Variants in DYNC1I1 observed in about 807,000 individuals in gnomAD.
DYNC1I1 encodes dynein cytoplasmic 1 intermediate chain 1.
A neutral mutation model predicts 86.6 loss-of-function variants in DYNC1I1; 43 were observed. That is an observed-to-expected ratio of 0.50 (90% CI 0.39 to 0.64). The LOEUF (loss-of-function observed/expected upper bound fraction) is 0.64. Among genes scored for constraint, DYNC1I1 ranks in the 30% least tolerant of loss-of-function variants. The probability of loss-of-function intolerance (pLI) is 0.00; values close to 1 mark genes in which losing one functional copy is unlikely to be tolerated. For synonymous variants in DYNC1I1, 262 were observed against 283.7 expected, an observed-to-expected ratio of 0.92 and a Z score of 0.77; for missense variants, 604 against 788.8, an observed-to-expected ratio of 0.77 and a Z score of 2.81.
chr7:95,917,907 G>T (rs77820449), intron 6 of DYNC1I1, among the ~76,000 whole-genome samples: 6 of 152,256 alleles, frequency 3.9e-5, no homozygotes, highest in African/African-American at 1.4e-4. Flanking sequence ...CTGCCCCTTG[G>T]CCTGGGGCTG....
At chr7:95,859,725 C>T (rs1014544864) in intron 5 of DYNC1I1, among the ~76,000 whole-genome samples, 4 of 152,226 alleles carry the variant, frequency 2.6e-5, no homozygotes, top group African/African-American at 9.6e-5. Context: ...AGACTGAGTC[C>T]ACCTAGCAGG....
intron 1 of DYNC1I1, among the ~76,000 whole-genome samples, chr7:95,782,890 C>T (rs897846998): frequency 6.6e-6 from 1 of 152,128 alleles, no homozygotes; most frequent in African/African-American, 2.4e-5. Context: ...CCTTCCCCAG[C>T]CGAACTCCTC....
At chr7:96,078,989 T>A (rs879683254) in intron 15 of DYNC1I1, among the ~76,000 whole-genome samples, 2 of 151,982 alleles carry the variant, frequency 1.3e-5, no homozygotes, top group Admixed American at 6.6e-5. Flanking sequence ...TGTGTATTTT[T>A]AAAAAATAAA....
intron 6 of DYNC1I1, among the ~76,000 whole-genome samples, chr7:95,917,796 G>A (rs182126105): frequency 6.6e-6 from 1 of 152,274 alleles, no homozygotes; most frequent in African/African-American, 2.4e-5. Flanking sequence ...GCTGGTAGGT[G>A]CCACTTTTGG....
chr7:95,806,783 A>G (rs1419693802), intron 2 of DYNC1I1, among the ~76,000 whole-genome samples: 1 of 151,904 alleles, frequency 6.6e-6, no homozygotes, highest in Non-Finnish European at 1.5e-5. Context: ...CTTCACACCC[A>G]TCTCCCCTCA....
intron 6 of DYNC1I1, among the ~76,000 whole-genome samples, chr7:95,893,602 C>A (rs950373720): frequency 6.6e-6 from 1 of 152,160 alleles, no homozygotes; most frequent in Admixed American, 6.5e-5. Flanking sequence ...ACTCCTGTTC[C>A]TATACAAGGT....
intron 6 of DYNC1I1, among the ~76,000 whole-genome samples, chr7:95,870,423 A>G (rs1790132280): frequency 6.6e-6 from 1 of 152,250 alleles, no homozygotes; most frequent in Non-Finnish European, 1.5e-5. Flanking sequence ...TTGTTGGAAT[A>G]CAGCTATATC....
At chr7:95,802,125 T>C (rs1482336643) in intron 1 of DYNC1I1, among the ~76,000 whole-genome samples, 1 of 152,038 alleles carries the variant, frequency 6.6e-6, no homozygotes, top group Non-Finnish European at 1.5e-5. Flanking sequence ...CCCCCATCTG[T>C]AGTGTTGTAT....
intron 14 of DYNC1I1, among the ~76,000 whole-genome samples, chr7:96,052,350 G>T (rs1789428197): frequency 6.6e-6 from 1 of 152,000 alleles, no homozygotes. Context: ...AATTTAGTTA[G>T]GTAAAGGGAG....
intron 5 of DYNC1I1, among the ~76,000 whole-genome samples, chr7:95,856,770 G>C (rs1297605896): frequency 6.6e-6 from 1 of 152,032 alleles, no homozygotes; most frequent in Non-Finnish European, 1.5e-5. Context: ...CACGAGGTCA[G>C]AAGTTCAAGA....
At chr7:95,958,796 A>G (rs1261648017) in intron 6 of DYNC1I1, among the ~76,000 whole-genome samples, 2 of 152,222 alleles carry the variant, frequency 1.3e-5, no homozygotes, top group Non-Finnish European at 2.9e-5. Flanking sequence ...GTCCCAAAAT[A>G]TGCCTTAATG....
intron 10 of DYNC1I1, among the ~76,000 whole-genome samples, chr7:96,008,736 T>C (rs1794201370): frequency 6.6e-6 from 1 of 152,186 alleles, no homozygotes; most frequent in Non-Finnish European, 1.5e-5. Flanking sequence ...AACAGAAAAC[T>C]GACTAAAGGT....
intron 4 of DYNC1I1, among the ~76,000 whole-genome samples, chr7:95,818,250 G>A (rs1460474522): frequency 1.4e-5 from 2 of 147,416 alleles, no homozygotes; most frequent in African/African-American, 2.5e-5. Flanking sequence ...CCATCATTAA[G>A]TTCTACTTTC....
intron 10 of DYNC1I1, among the ~76,000 whole-genome samples, chr7:96,015,338 C>T (rs531364527): frequency 2.9e-4 from 44 of 152,182 alleles, no homozygotes; most frequent in Non-Finnish European, 6.0e-4. Flanking sequence ...GAACATGGTT[C>T]AGAATAGAAT....
At chr7:95,870,162 G>T (rs1790125440) in intron 6 of DYNC1I1, among the ~76,000 whole-genome samples, 164 bp downstream of exon 6, 1 of 152,136 alleles carries the variant, frequency 6.6e-6, no homozygotes, top group Non-Finnish European at 1.5e-5. Context: ...CTATGGAGAG[G>T]GAACTCGGTG....
chr7:95,952,380 G>A (rs1229822431), intron 6 of DYNC1I1, among the ~76,000 whole-genome samples: 2 of 152,134 alleles, frequency 1.3e-5, no homozygotes, highest in Non-Finnish European at 2.9e-5. Context: ...TAATGGCAAA[G>A]AGTGACAACT....
At chr7:96,019,361 A>G (rs1487934631) in intron 10 of DYNC1I1, among the ~76,000 whole-genome samples, 1 of 151,618 alleles carries the variant, frequency 6.6e-6, no homozygotes. Context: ...TGGGTTTTTA[A>G]TGAACTCTCC....
intron 11 of DYNC1I1, among the ~76,000 whole-genome samples, chr7:96,028,636 C>T (rs1252087670): frequency 1.3e-5 from 2 of 152,164 alleles, no homozygotes; most frequent in Non-Finnish European, 2.9e-5. Context: ...TATGCATTTA[C>T]ATTATAAGGT....
In DYNC1I1 at chr7:95,977,723, CTA is replaced by C. The variant is rs1351180445; in HGVS notation, c.580+124_580+125del. 2.3e-5 allele frequency: 18 copies of C among 766,734 alleles called. No individual in the cohort carries two copies. In the Admixed American group the frequency reaches 5.9e-4, roughly 25 times the overall value. 47.5% of individuals were successfully genotyped at this position (766,734 alleles called of 1,614,324 possible). A position where few individuals can be genotyped will look rare whatever the true frequency, so the allele number is the denominator to read the frequency against. ...TTGCATCCCCTATATGGAAGATTTT[CTA>C]TGATTGTTCAATACATTACATTTAG... On this transcript the variant is annotated intron_variant, in intron 7 of 16. Transcript: ENST00000447467.
Sources: allele counts gnomAD v4.1 joint callset (sites outside exome capture counted in the v4.1 genomes callset), GRCh38; gene constraint gnomAD v4.1.1; transcripts MANE v1.5; gene names NCBI Gene and HGNC (gene_info 2026-07-23, HGNC 2026-07-21).